Variants in DNAH6 observed in about 807,000 individuals in gnomAD.
DNAH6 encodes axonemal beta dynein heavy chain 6.
A neutral mutation model predicts 491.4 loss-of-function variants in DNAH6; 340 were observed. The ratio of observed to expected loss-of-function variants is 0.69; its 90% CI spans 0.63 to 0.76. The LOEUF (loss-of-function observed/expected upper bound fraction) is 0.76, where lower values mean the gene tolerates loss of function less well. DNAH6 is among the 30% of genes least tolerant of loss of function. The pLI is 0.00. For missense variants in DNAH6, 4,443 were observed against 4,972.2 expected, an observed-to-expected ratio of 0.89 and a Z score of 3.20; for synonymous variants, 1,603 against 1,686.1, an observed-to-expected ratio of 0.95 and a Z score of 1.21.
At chr2:84,665,417 T>A (rs1360921594) in intron 37 of DNAH6, among the ~76,000 whole-genome samples, 1 of 152,066 alleles carries the variant, frequency 6.6e-6, no homozygotes, top group Non-Finnish European at 1.5e-5. Context: ...ATAAAGTGGA[T>A]ATCACCACCA....
intron 10 of DNAH6, among the ~76,000 whole-genome samples, chr2:84,553,671 T>C (rs1679742237): frequency 7.9e-6 from 1 of 125,998 alleles, no homozygotes; most frequent in African/African-American, 3.1e-5. Flanking sequence ...GGCTTTGCCA[T>C]GGTGGCCAGG....
At chr2:84,778,494 G>A (rs1178876787) in intron 64 of DNAH6, among the ~76,000 whole-genome samples, 1 of 151,228 alleles carries the variant, frequency 6.6e-6, no homozygotes, top group Non-Finnish European at 1.5e-5. Flanking sequence ...TAGGAATTTA[G>A]CACTATAAAC....
At chr2:84,498,337 C>G in the DNAH6 span, among the ~76,000 whole-genome samples, 14 of 152,224 alleles carry the variant, frequency 9.2e-5, no homozygotes, top group African/African-American at 3.1e-4. Flanking sequence ...CAGCCTTACT[C>G]TTCAGAGCAC....
At chr2:84,523,373 CCTAT>C (rs147889067) in intron 2 of DNAH6, among the ~76,000 whole-genome samples, 2,701 of 151,678 alleles carry the variant, frequency 0.018, 35 homozygotes, top group African/African-American at 0.035. Context: ...CTATTAATGG[CCTAT>C]CTGTCTTATT....
At chr2:84,728,277 T>G (rs1378837593) in intron 61 of DNAH6, among the ~76,000 whole-genome samples, 1 of 152,190 alleles carries the variant, frequency 6.6e-6, no homozygotes, top group African/African-American at 2.4e-5. Flanking sequence ...TATGTCTTCA[T>G]CAGCAGCATG....
intron 4 of DNAH6, among the ~76,000 whole-genome samples, chr2:84,529,604 TAATATCCACAC>T (rs1676959063): frequency 6.6e-6 from 1 of 152,180 alleles, no homozygotes; most frequent in Admixed American, 6.5e-5. Context: ...TATAAATGAA[TAATATCCACAC>T]ACTTTCTGTG....
At chr2:84,648,420 G>A (rs1247501542) in intron 33 of DNAH6, among the ~76,000 whole-genome samples, 1 of 152,162 alleles carries the variant, frequency 6.6e-6, no homozygotes, top group Admixed American at 6.5e-5. Context: ...TTCTCTAATG[G>A]ATCCAGGCAA....
intron 37 of DNAH6, among the ~76,000 whole-genome samples, chr2:84,661,242 T>TG (rs1691475665): frequency 6.6e-6 from 1 of 152,068 alleles, no homozygotes; most frequent in Non-Finnish European, 1.5e-5. Flanking sequence ...TAACTGGTCA[T>TG]GAAATCAAGT....
chr2:84,510,161 G>A, the DNAH6 span, among the ~76,000 whole-genome samples: 9 of 152,170 alleles, frequency 5.9e-5, no homozygotes, highest in Non-Finnish European at 1.3e-4. Flanking sequence ...ATAATATCCT[G>A]CAGAGTGTTT....
rs533022941 is a variant in DNAH6 at position 84,772,691 on chromosome 2, A to G, written c.10704-8802A>G. On this transcript the variant is annotated intron_variant, in intron 64 of 76. Coordinates refer to ENST00000389394, the MANE Select transcript of DNAH6 (RefSeq NM_001370.2). ...TGAAGGCAGAGATAGTTCAATGAAAACAGTTGGAAATTTCAATGTCCCATC... is the reference window on the plus strand; with the variant it reads ...TGAAGGCAGAGATAGTTCAATGAAAGCAGTTGGAAATTTCAATGTCCCATC... Among the ~76,000 whole-genome samples the G allele has an allele frequency of 1.4e-4, 21 of 152,254 alleles. No individual in the cohort carries two copies. The South Asian group carries it at 4.1e-3, about 30-fold the overall frequency.
At chr2:84,672,638 T>G (rs979525177) in intron 40 of DNAH6, among the ~76,000 whole-genome samples, 154 bp downstream of exon 40, 3 of 152,106 alleles carry the variant, frequency 2.0e-5, no homozygotes, top group Non-Finnish European at 4.4e-5. Flanking sequence ...ACTAGACGTC[T>G]AAGAACAAGG....
chr2:84,588,028 C>T (rs1291167783), intron 15 of DNAH6, among the ~76,000 whole-genome samples: 1 of 152,224 alleles, frequency 6.6e-6, no homozygotes, highest in Non-Finnish European at 1.5e-5. Flanking sequence ...TGGCCTCAGA[C>T]ATCTTCTGGT....
rs765578031 is a variant in DNAH6, at chr2:84,701,251, G to T, written c.7973G>T (p.Arg2658Met). Reference sequence around the variant, plus strand: ...GAGCGCTATTACAATGAGCTGCGCAGGCGGTACTACACGACACCCACCTCC... The same window carrying T: ...GAGCGCTATTACAATGAGCTGCGCATGCGGTACTACACGACACCCACCTCC... The part of the protein sequence containing the change: ...MAERYYNELR[R>M]RYYTTPTSYL... Residue 2658 changes from arginine to methionine, a missense_variant, in exon 49 of 77, where the codon AGG becomes ATG. Arg to Met is a moderately conservative substitution (Grantham distance 91). Transcript: ENST00000389394. The T allele has an allele frequency of 6.4e-7, 1 of 1,551,760 alleles. No individual in the cohort carries two copies. The highest frequency in any genetic ancestry group is 1.2e-5 in the South Asian group (1 of 84,064).
chr2:84,669,719 A>G (rs1036246376), intron 38 of DNAH6, among the ~76,000 whole-genome samples: 1 of 152,212 alleles, frequency 6.6e-6, no homozygotes, highest in East Asian at 1.9e-4. Flanking sequence ...TGGAGTTGAT[A>G]CTATATGAAT....
chr2:84,733,466 C>G lies in DNAH6; in HGVS notation c.10229C>G (p.Ala3410Gly). The G allele has an allele frequency of 6.4e-7, 1 of 1,551,052 alleles. No homozygotes were observed. The highest frequency in any genetic ancestry group is 8.7e-7 in the Non-Finnish European group (1 of 1,146,500). ...LEKERPPKPEAPWLPTATWFA... is the reference protein window; with the variant it reads ...LEKERPPKPEGPWLPTATWFA... ...CAGGAACGCCCACCTAAGCCTGAAG[C>G]TCCCTGGCTACCTACTGCTACATGG... Residue 3410 changes from alanine (A) to glycine (G), a missense_variant, in exon 62 of 77, where the codon GCT becomes GGT. By Grantham distance (60) the Ala-to-Gly change is moderately conservative. Around this residue, in one of 3 missense-constraint regions of DNAH6, gnomAD observed 1,463 missense variants for 1,656.6 expected, o/e 0.88. Transcript: ENST00000389394.
intron 40 of DNAH6, among the ~76,000 whole-genome samples, 174 bp downstream of exon 40, chr2:84,672,658 G>T (rs539779842): frequency 2.5e-4 from 38 of 152,030 alleles, no homozygotes; most frequent in African/African-American, 8.7e-4. Flanking sequence ...GTGTCTGCAG[G>T]ATTGGTTTCT....
intron 61 of DNAH6, among the ~76,000 whole-genome samples, chr2:84,730,307 C>A (rs1420719020): frequency 1.3e-5 from 2 of 152,166 alleles, no homozygotes; most frequent in African/African-American, 4.8e-5. Flanking sequence ...ACAACTGGAA[C>A]CAATACACAA....
intron 62 of DNAH6, among the ~76,000 whole-genome samples, chr2:84,735,582 T>A (rs1118504): frequency 0.25 from 37,952 of 152,050 alleles, 5,322 homozygotes; most frequent in African/African-American, 0.4. Context: ...AATAATAGCC[T>A]TTCTGATTGG....
intron 59 of DNAH6, among the ~76,000 whole-genome samples, 196 bp from the exon 60 acceptor site, chr2:84,722,429 T>C (rs537927318): frequency 5.3e-5 from 8 of 152,282 alleles, no homozygotes; most frequent in African/African-American, 1.4e-4. Flanking sequence ...TTCCTAACTC[T>C]GGAAGGAAGA....
Sources: gnomAD v4.1 joint callset for allele counts (sites outside exome capture counted in the v4.1 genomes callset) on GRCh38, gnomAD v4.1.1 for gene constraint, gnomAD v4.1.1 regional missense constraint, MANE v1.5 for transcripts, NCBI Gene and HGNC (gene_info 2026-07-23, HGNC 2026-07-21) for gene names.